Variants in SLIT3 observed in about 807,000 individuals in gnomAD.
SLIT3 encodes slit guidance ligand 3, also known as slit homolog 3 protein.
In SLIT3, 68 loss-of-function variants were observed where a neutral mutation model predicts 184.0. The observed-to-expected ratio is 0.37, with a 90% CI of 0.30 to 0.45. SLIT3 has a LOEUF of 0.45. SLIT3 is among the 20% of genes least tolerant of loss of function. SLIT3 has a pLI of 1.00. For synonymous variants in SLIT3, 831 were observed against 828.6 expected, an observed-to-expected ratio of 1.00 and a Z score of -0.05; for missense variants, 1,707 against 2,026.0, an observed-to-expected ratio of 0.84 and a Z score of 3.02.
chr5:168,684,202 T>C (rs1204933421), intron 31 of SLIT3, 106 bp from the exon 32 acceptor site: 3 of 1,204,518 alleles, frequency 2.5e-6, no homozygotes, highest in Non-Finnish European at 3.4e-6. Flanking sequence ...GAATCTGTGC[T>C]GCGTCTAAAT....
chr5:168,877,612 G>A (rs547412493), intron 5 of SLIT3, among the ~76,000 whole-genome samples: 29 of 152,246 alleles, frequency 1.9e-4, no homozygotes, highest in African/African-American at 7.0e-4. Context: ...CCGGGGCGGA[G>A]ACAGCCCTCA....
chr5:168,800,299 C>CTGT (rs1756718449), intron 9 of SLIT3, among the ~76,000 whole-genome samples: 1 of 152,196 alleles, frequency 6.6e-6, no homozygotes, highest in African/African-American at 2.4e-5. Flanking sequence ...GAAAGGTAGA[C>CTGT]TGTTGGCTGG....
chr5:168,671,353 C>T lies in SLIT3; in HGVS notation c.3972G>A (p.Gln1324=). The part of the protein sequence containing the change: ...ELQDFKALPP[Q]SLGVSPGCKS... ...TGCAGCCTGGTGACACCCCCAGGGACTGTGGTGGGAGGGCCTTGAAGTCCT... is the reference window on the plus strand; with the variant it reads ...TGCAGCCTGGTGACACCCCCAGGGATTGTGGTGGGAGGGCCTTGAAGTCCT... The change falls in exon 34 of 36, where the codon CAG becomes CAA. Residue 1324 remains glutamine, a synonymous_variant. Transcript: ENST00000519560. The T allele has an allele frequency of 6.2e-7, 1 of 1,614,170 alleles. No homozygotes were observed. The highest frequency in any genetic ancestry group is 1.1e-5 in the South Asian group (1 of 91,086).
intron 4 of SLIT3, among the ~76,000 whole-genome samples, chr5:168,956,752 C>T (rs981981404): frequency 1.3e-5 from 2 of 151,992 alleles, no homozygotes; most frequent in African/African-American, 4.8e-5. Flanking sequence ...GAGATAGCGC[C>T]ACTGCACTCC....
chr5:168,787,115 T>A (rs1310914901), intron 11 of SLIT3, among the ~76,000 whole-genome samples: 2 of 152,174 alleles, frequency 1.3e-5, no homozygotes, highest in African/African-American at 2.4e-5. Flanking sequence ...CCTACGGGTG[T>A]GTTTCATTAA....
rs535512341 is a variant in SLIT3, at chr5:168,903,722, T to C, written c.414-20386A>G. On this transcript the variant is annotated intron_variant, in intron 4 of 35. Transcript: ENST00000519560. Reference sequence around the variant, plus strand: ...TCTTGTTCCTTTCTTCTCCTCTCTGTTATTGTCCCTGACCTCCCACTATGA... The same window carrying C: ...TCTTGTTCCTTTCTTCTCCTCTCTGCTATTGTCCCTGACCTCCCACTATGA... Among the ~76,000 whole-genome samples, 5 of 152,248 alleles carry C rather than the reference T, an allele frequency of 3.3e-5. No homozygotes were observed. In the East Asian group the frequency reaches 9.7e-4, roughly 29 times the overall value.
At chr5:168,957,909 A>G (rs1762882878) in intron 4 of SLIT3, among the ~76,000 whole-genome samples, 1 of 152,184 alleles carries the variant, frequency 6.6e-6, no homozygotes, top group African/African-American at 2.4e-5. Context: ...GGGGTTCTAT[A>G]AAACAACCCA....
At chr5:168,811,507 T>C (rs1026039054) in intron 8 of SLIT3, among the ~76,000 whole-genome samples, 3 of 152,202 alleles carry the variant, frequency 2.0e-5, no homozygotes, top group Admixed American at 6.5e-5. Context: ...GCCATGAAAC[T>C]GAAAACCATC....
At position 168,923,918 on chromosome 5, in the gene SLIT3, G is replaced by A. The variant is rs766636441; in HGVS notation, c.414-40582C>T. ...CCTGCTGCCTGAAATAAAGGTTACCGGAACACAGCCACGCTCAATCATTTA... is the reference window on the plus strand; with the variant it reads ...CCTGCTGCCTGAAATAAAGGTTACCAGAACACAGCCACGCTCAATCATTTA... On this transcript the variant is annotated intron_variant, in intron 4 of 35. Transcript: ENST00000519560. Among the ~76,000 whole-genome samples the A allele has an allele frequency of 4.9e-4, 75 of 152,244 alleles. 2 individuals carry two copies. Among genetic ancestry groups the A allele is most frequent in the Admixed American group, 2.6e-4 (4 of 15,282 alleles).
intron 4 of SLIT3, among the ~76,000 whole-genome samples, chr5:169,083,843 G>A (rs1759171268): frequency 6.6e-6 from 1 of 152,184 alleles, no homozygotes; most frequent in African/African-American, 2.4e-5. Context: ...CAATTAAAGA[G>A]GAAGCGCTCA....
chr5:168,913,753 C>CAAA (rs758320799), intron 4 of SLIT3, among the ~76,000 whole-genome samples: 1 of 144,846 alleles, frequency 6.9e-6, no homozygotes, highest in African/African-American at 2.5e-5. Context: ...AAAAAAAAAA[C>CAAA]AAACAAACAA....
chr5:169,290,622 C>T (rs774036001), intron 1 of SLIT3, among the ~76,000 whole-genome samples: 28 of 138,026 alleles, frequency 2.0e-4, no homozygotes, highest in Non-Finnish European at 3.1e-4. Context: ...TACTAGGGCA[C>T]GTGCGGGGCA....
chr5:169,279,359 C>CT (rs2113643974), intron 1 of SLIT3, among the ~76,000 whole-genome samples: 1 of 152,244 alleles, frequency 6.6e-6, no homozygotes, highest in African/African-American at 2.4e-5. Flanking sequence ...CACATCCTGT[C>CT]TCACTGGCAT....
At chr5:169,287,708 G>A (rs1332072534) in intron 1 of SLIT3, among the ~76,000 whole-genome samples, 2 of 152,134 alleles carry the variant, frequency 1.3e-5, no homozygotes, top group South Asian at 2.1e-4. Context: ...GAACTTGTAC[G>A]CTGGCAGCAG....
At position 168,915,649 on chromosome 5, in the gene SLIT3, C is replaced by CT. The variant is rs200015849; in HGVS notation, c.414-32314dup. 2.1e-3 allele frequency among the ~76,000 whole-genome samples: 317 copies of CT among 148,834 alleles called. 3 individuals carry two copies. In the South Asian group the frequency reaches 0.024, roughly 11 times the overall value. On this transcript the variant is annotated intron_variant, in intron 4 of 35. Coordinates refer to ENST00000519560, the MANE Select transcript of SLIT3 (RefSeq NM_003062.4). The stretch of plus-strand genomic sequence containing the variant: ...AATTGTTAATGAGATATTATGCATT[C>CT]TTTTTTTTTTGAATACTGTTTTGGA...
intron 18 of SLIT3, among the ~76,000 whole-genome samples, chr5:168,751,281 C>T (rs1581037753): frequency 6.6e-6 from 1 of 152,204 alleles, no homozygotes; most frequent in Non-Finnish European, 1.5e-5. Flanking sequence ...GGTGTGGCAG[C>T]AGCCTTTGCT....
chr5:169,150,543 A>C (rs2544825), intron 4 of SLIT3, among the ~76,000 whole-genome samples: 29 of 151,194 alleles, frequency 1.9e-4, no homozygotes, highest in South Asian at 4.2e-4. Flanking sequence ...ACACACACAC[A>C]CCCTTACCTC....
intron 20 of SLIT3, among the ~76,000 whole-genome samples, chr5:168,739,848 G>T (rs1351046355): frequency 6.6e-6 from 1 of 152,190 alleles, no homozygotes; most frequent in Non-Finnish European, 1.5e-5. Context: ...TGAAAATTGA[G>T]CTGTCTTCTA....
intron 4 of SLIT3, among the ~76,000 whole-genome samples, chr5:168,979,611 T>C (rs1049653308): frequency 5.3e-5 from 8 of 152,206 alleles, no homozygotes; most frequent in African/African-American, 1.9e-4. Context: ...GGGCAGTGTT[T>C]GAACCACTCT....
Sources: allele counts gnomAD v4.1 joint callset (sites outside exome capture counted in the v4.1 genomes callset), GRCh38; gene constraint gnomAD v4.1.1; transcripts MANE v1.5; gene names NCBI Gene and HGNC (gene_info 2026-07-23, HGNC 2026-07-21).